NGEF: variants seen among roughly 807,000 people sequenced by gnomAD.
NGEF encodes neuronal guanine nucleotide exchange factor.
In NGEF, 31 loss-of-function variants were observed where a neutral mutation model predicts 80.9. The ratio of observed to expected loss-of-function variants is 0.38; its 90% CI spans 0.29 to 0.52. NGEF has a LOEUF of 0.52. NGEF is among the 20% of genes least tolerant of loss of function. The pLI, the probability that NGEF is intolerant of heterozygous loss-of-function variation, is 0.84. For missense variants in NGEF, 709 were observed against 926.2 expected, an observed-to-expected ratio of 0.77 and a Z score of 3.04; for synonymous variants, 371 against 370.2, an observed-to-expected ratio of 1.00 and a Z score of -0.03.
intron 8 of NGEF, among the ~76,000 whole-genome samples, chr2:232,888,366 T>C (rs35899157): frequency 0.22 from 25,347 of 117,454 alleles, 2,650 homozygotes; most frequent in Non-Finnish European, 0.26. Context: ...TGTGCACACA[T>C]GCACACCGTG....
chr2:232,889,262 C>T lies in NGEF; in HGVS notation c.1273-1155G>A, dbSNP rs139535946. ...CACAGGCATAAAAGCTGCATCTGAC[C>T]AGGTGGCATTGGTGGCCTCAGATGG... On this transcript the variant is annotated intron_variant, in intron 8 of 14. Coordinates refer to ENST00000264051, the MANE Select transcript of NGEF (RefSeq NM_019850.3). 3.3e-3 allele frequency among the ~76,000 whole-genome samples: 509 copies of T among 152,330 alleles called. 1 individual carries two copies. Among genetic ancestry groups the T allele is most frequent in the African/African-American group, 0.012 (496 of 41,574 alleles).
chr2:232,882,920 A>G (rs1487047307), intron 12 of NGEF, among the ~76,000 whole-genome samples: 1 of 152,102 alleles, frequency 6.6e-6, no homozygotes, highest in Non-Finnish European at 1.5e-5. Context: ...AGGTGAAGAG[A>G]TGAGCTCAAT....
chr2:232,929,587 T>G (rs1693177911), intron 3 of NGEF, among the ~76,000 whole-genome samples: 1 of 152,158 alleles, frequency 6.6e-6, no homozygotes, highest in African/African-American at 2.4e-5. Flanking sequence ...CTGAGAATAT[T>G]CGAGACAACC....
chr2:232,971,355 G>A (rs72978178), intron 2 of NGEF, among the ~76,000 whole-genome samples: 3,658 of 152,152 alleles, frequency 0.024, 56 homozygotes, highest in African/African-American at 0.027. Flanking sequence ...AAAAGAATTC[G>A]CTCCAAGGAG....
chr2:233,002,792 C>T (rs1695008203), intron 1 of NGEF, among the ~76,000 whole-genome samples: 1 of 152,230 alleles, frequency 6.6e-6, no homozygotes, highest in Admixed American at 6.5e-5. Context: ...AGCCTTCCCT[C>T]CTCTCTTCAT....
chr2:232,922,135 G>A (rs1692960128), intron 4 of NGEF, among the ~76,000 whole-genome samples: 1 of 152,204 alleles, frequency 6.6e-6, no homozygotes, highest in African/African-American at 2.4e-5. Context: ...TTCCCAGAAA[G>A]TTGCAATAAG....
intron 3 of NGEF, among the ~76,000 whole-genome samples, chr2:232,935,192 G>A (rs1574622239): frequency 6.6e-6 from 1 of 152,268 alleles, no homozygotes; most frequent in South Asian, 2.1e-4. Context: ...AGGAGTTCTT[G>A]TTTATGTTTA....
chr2:232,910,584 G>A (rs1692671521), intron 5 of NGEF, among the ~76,000 whole-genome samples: 1 of 151,800 alleles, frequency 6.6e-6, no homozygotes, highest in Non-Finnish European at 1.5e-5. Context: ...CACTGCTACG[G>A]GGCGGGGCTG....
intron 9 of NGEF, chr2:232,885,632 C>T (rs753476408): frequency 2.5e-5 from 12 of 487,842 alleles, no homozygotes; most frequent in Non-Finnish European, 3.4e-5. Flanking sequence ...CCAGAAAACA[C>T]ATGCGTGAGG....
intron 3 of NGEF, chr2:232,927,840 A>G: frequency 1.2e-5 from 14 of 1,182,172 alleles, no homozygotes; most frequent in Non-Finnish European, 1.4e-5. Context: ...GCAAGCTGGG[A>G]AAGAGGCACG....
At chr2:232,887,822 A>G (rs1036621239) in intron 9 of NGEF, among the ~76,000 whole-genome samples, 2 of 152,250 alleles carry the variant, frequency 1.3e-5, no homozygotes, top group Non-Finnish European at 2.9e-5. Context: ...GGCTGGAGCC[A>G]GGAAGCAGGG....
At chr2:233,002,465 G>A (rs1053040623) in intron 1 of NGEF, among the ~76,000 whole-genome samples, 2 of 152,032 alleles carry the variant, frequency 1.3e-5, no homozygotes, top group Non-Finnish European at 2.9e-5. Flanking sequence ...GTCACTTCAG[G>A]CCAGGAGTTC....
Position 232,920,541 on chromosome 2 carries a change from T to C in NGEF, c.571A>G (p.Ile191Val), listed in dbSNP as rs543404306. ...EYRDKSTLQE[I>V]ETRRQQDAEI... ...GCATCCTGTTGCCTCCTGGTTTCGATTTCTTGGAGAGTCGATTTATCTCGG... is the reference window on the plus strand; with the variant it reads ...GCATCCTGTTGCCTCCTGGTTTCGACTTCTTGGAGAGTCGATTTATCTCGG... The change falls in exon 5 of 15, where the codon ATC becomes GTC. Residue 191 changes from isoleucine to valine, a missense_variant. Transcript: ENST00000264051. 2 of 1,552,888 alleles carry C rather than the reference T, an allele frequency of 1.3e-6. No homozygotes were observed. Among genetic ancestry groups the C allele is most frequent in the Admixed American group, 1.9e-5 (1 of 52,158 alleles).
At chr2:232,905,246 C>G (rs547919613) in intron 5 of NGEF, among the ~76,000 whole-genome samples, 1 of 152,212 alleles carries the variant, frequency 6.6e-6, no homozygotes, top group Admixed American at 6.5e-5. Flanking sequence ...CGATTGCAGG[C>G]GCGCGCCGCC....
chr2:232,921,962 C>T (rs1167655709), intron 4 of NGEF, among the ~76,000 whole-genome samples: 1 of 152,170 alleles, frequency 6.6e-6, no homozygotes, highest in Admixed American at 6.5e-5. Context: ...AGAGGCCCCA[C>T]TGGAGGAGAT....
chr2:233,005,306 T>C (rs1187866150), intron 1 of NGEF, among the ~76,000 whole-genome samples: 2 of 152,076 alleles, frequency 1.3e-5, no homozygotes, highest in Admixed American at 6.6e-5. Context: ...GAGAGTGCAG[T>C]GGGGGAGCAG....
At position 232,917,953 on chromosome 2, in the gene NGEF, C is replaced by CTTAT. The variant is rs895688540; in HGVS notation, c.828+2327_828+2330dup. Among the ~76,000 whole-genome samples, 20 of 151,602 alleles carry CTTAT rather than the reference C, an allele frequency of 1.3e-4. No individual in the cohort carries two copies. The South Asian group carries it at 2.1e-3, about 16-fold the overall frequency. On this transcript the variant is annotated intron_variant, in intron 5 of 14. Coordinates refer to ENST00000264051, the MANE Select transcript of NGEF (RefSeq NM_019850.3). Reference sequence around the variant, plus strand: ...TATACCCGGCTAATTAATTATTTTACTTATTTATTTATTTATTTGAGACAG... The same window carrying CTTAT: ...TATACCCGGCTAATTAATTATTTTACTTATTTATTTATTTATTTATTTGAGACAG...
At chr2:232,950,396 A>G (rs1693653158) in intron 3 of NGEF, among the ~76,000 whole-genome samples, 1 of 152,216 alleles carries the variant, frequency 6.6e-6, no homozygotes, top group Non-Finnish European at 1.5e-5. Flanking sequence ...GGATTTGTAG[A>G]TCAAATATCA....
chr2:232,882,684 G>A (rs11894688), intron 12 of NGEF, among the ~76,000 whole-genome samples: 14,118 of 152,268 alleles, frequency 0.093, 905 homozygotes, highest in East Asian at 0.17. Context: ...GATATCTGGT[G>A]AGTTGTGGGT....
Sources: allele counts gnomAD v4.1 joint callset (sites outside exome capture counted in the v4.1 genomes callset), GRCh38; gene constraint gnomAD v4.1.1; transcripts MANE v1.5; gene names NCBI Gene and HGNC (gene_info 2026-07-23, HGNC 2026-07-21).